SDR42E1: variants seen among roughly 807,000 people sequenced by gnomAD.
SDR42E1 encodes short-chain dehydrogenase/reductase family 42E member 1.
SDR42E1 carries 5 observed loss-of-function variants against 2.6 expected under a neutral mutation model. The observed-to-expected ratio is 1.94, with a 90% confidence interval of 1.01 to 4.08. The LOEUF is 4.08. Ranked by LOEUF, SDR42E1 falls within the 30% of genes most tolerant of loss-of-function variation. The pLI, the probability that SDR42E1 is intolerant of heterozygous loss-of-function variation, is 0.00. For synonymous variants in SDR42E1, 231 were observed against 188.3 expected (o/e 1.23, Z -1.86); for missense variants, 596 against 478.6 (o/e 1.25, Z -2.29).
In SDR42E1 at chr16:81,998,744, G is replaced by GC. The variant is rs1912617261; in HGVS notation, c.*366_*367insG. ...TTTCGCCATTCCCACATCAGTCAGA[G>GC]GTTTTAGGTAGATGCAGACTGCATA... On this transcript the variant is annotated 3_prime_UTR_variant, in exon 3 of 3. Coordinates refer to ENST00000328945, the MANE Select transcript of SDR42E1 (RefSeq NM_145168.3). 1 of 205,554 alleles carries GC rather than the reference G, an allele frequency of 4.9e-6. No individual in the cohort carries two copies. The highest frequency in any genetic ancestry group is 2.4e-5 in the African/African-American group (1 of 42,542). 12.7% of individuals were successfully genotyped at this position (205,554 alleles called of 1,614,324 possible).
rs1378843479 is a variant in SDR42E1 at position 81,989,193 on chromosome 16, C to G, written c.*9918G>C. On this transcript the variant is annotated 3_prime_UTR_variant, in exon 3 of 3. Transcript: ENST00000328945. ...GACATATGCTTATCATCTTTATATA[C>G]CCGGTGACCTCCTATGTCAGCAAAT... The G allele has an allele frequency of 1.3e-5, 2 of 152,072 alleles. No homozygotes were observed. The highest frequency in any genetic ancestry group is 2.9e-5 in the Non-Finnish European group (2 of 68,032). The allele number at this position is 152,072 out of a possible 1,614,324, so 9.4% of individuals were successfully genotyped here.
chr16:82,000,385 T>G, intron 2 of SDR42E1, 161 bp from the exon 3 acceptor site: 2 of 858,192 alleles, frequency 2.3e-6, no homozygotes, highest in Non-Finnish European at 3.8e-6. Flanking sequence ...CCTCGCTTCT[T>G]CAAATTTTCA....
chr16:82,008,192 C>A (rs1567567459), intron 1 of SDR42E1, among the ~76,000 whole-genome samples: 2 of 152,222 alleles, frequency 1.3e-5, no homozygotes, highest in African/African-American at 2.4e-5. Context: ...CCTCCCCAGC[C>A]ACGTGGAACT....
intron 1 of SDR42E1, among the ~76,000 whole-genome samples, chr16:82,002,785 G>C (rs1160205716): frequency 6.6e-6 from 1 of 152,174 alleles, no homozygotes; most frequent in African/African-American, 2.4e-5. Flanking sequence ...TCTAAAAGTG[G>C]AGCTGATAAT....
In SDR42E1 at chr16:81,997,177, G is replaced by A. The variant is rs1218559356; in HGVS notation, c.*1934C>T. ...ACCACTGCCAGCTTGAATGGAAAGGGATATAGTGCAAAATGTTAACACAGC... is the reference window on the plus strand; with the variant it reads ...ACCACTGCCAGCTTGAATGGAAAGGAATATAGTGCAAAATGTTAACACAGC... On this transcript the variant is annotated 3_prime_UTR_variant, in exon 3 of 3. Coordinates refer to ENST00000328945, the MANE Select transcript of SDR42E1 (RefSeq NM_145168.3). 1.3e-5 allele frequency: 2 copies of A among 152,164 alleles called. No individual in the cohort carries two copies. The highest frequency in any genetic ancestry group is 4.8e-5 in the African/African-American group (2 of 41,422). The allele number at this position is 152,164 out of a possible 1,614,324, so 9.4% of individuals were successfully genotyped here.
chr16:82,000,376 C>T (rs1482877703), intron 2 of SDR42E1, 152 bp from the exon 3 acceptor site: 2 of 928,598 alleles, frequency 2.2e-6, no homozygotes, highest in Non-Finnish European at 3.4e-6. Context: ...TGGTGCAAGC[C>T]TCGCTTCTTC....
In SDR42E1 at chr16:81,991,429, A is replaced by C. The variant is rs1912425795; in HGVS notation, c.*7682T>G. ...ATAAAACCACCTCCAACAAGGTAAGAGTTTGGGCCAGGCTCGGTGGCTCAT... is the reference window on the plus strand; with the variant it reads ...ATAAAACCACCTCCAACAAGGTAAGCGTTTGGGCCAGGCTCGGTGGCTCAT... On this transcript the variant is annotated 3_prime_UTR_variant, in exon 3 of 3. Coordinates refer to ENST00000328945, the MANE Select transcript of SDR42E1 (RefSeq NM_145168.3). 6.6e-6 allele frequency: 1 copy of C among 152,132 alleles called. No homozygotes were observed. The highest frequency in any genetic ancestry group is 1.9e-4 in the East Asian group (1 of 5,202). 9.4% of individuals were successfully genotyped at this position (152,132 alleles called of 1,614,324 possible).
intron 1 of SDR42E1, among the ~76,000 whole-genome samples, chr16:82,001,771 G>T (rs535572698): frequency 6.6e-6 from 1 of 151,702 alleles, no homozygotes. Context: ...GCGTGGTGGC[G>T]GGCACCTGTA....
chr16:82,010,738 T>C (rs143911810), intron 1 of SDR42E1, among the ~76,000 whole-genome samples: 7 of 152,272 alleles, frequency 4.6e-5, no homozygotes, highest in African/African-American at 1.7e-4. Flanking sequence ...CCCTAAAATG[T>C]AGAAAACGAA....
rs118066976 is a variant in SDR42E1, at chr16:82,001,456, T to G, written c.-26-572A>C. On this transcript the variant is annotated intron_variant, in intron 1 of 2. Coordinates refer to ENST00000328945, the MANE Select transcript of SDR42E1 (RefSeq NM_145168.3). ...CCCCACCGCAAATCTTGCAAGTACT[T>G]AAAGTACAAGTGCTCAGTGCCTTTG... 7.0e-3 allele frequency among the ~76,000 whole-genome samples: 1,065 copies of G among 152,214 alleles called. 20 individuals carry two copies. Among genetic ancestry groups the G allele is most frequent in the South Asian group, 0.067 (323 of 4,816 alleles).
Position 81,999,317 on chromosome 16 carries a change from T to C in SDR42E1, c.976A>G (p.Ser326Gly). 6.2e-7 allele frequency: 1 copy of C among 1,614,226 alleles called. No individual in the cohort carries two copies. Among genetic ancestry groups the C allele is most frequent in the Non-Finnish European group, 8.5e-7 (1 of 1,180,040 alleles). Residue 326 changes from serine to glycine, a missense_variant, in exon 3 of 3, where the codon AGC becomes GGC. By Grantham distance (56) the Ser-to-Gly change is moderately conservative (BLOSUM62 0). Coordinates refer to ENST00000328945, the MANE Select transcript of SDR42E1 (RefSeq NM_145168.3). ...VYKTGVTHYF[S>G]LEKAKKELGY... ...AGCTCTTTCTTGGCTTTCTCTAAGC[T>C]AAAATAATGTGTGACACCAGTTTTG...
chr16:82,001,918 A>AAAC (rs1315244951), intron 1 of SDR42E1, among the ~76,000 whole-genome samples: 2 of 150,562 alleles, frequency 1.3e-5, no homozygotes, highest in African/African-American at 4.9e-5. Flanking sequence ...AAAAAAAAAA[A>AAAC]ACCACAGGAA....
Position 81,998,122 on chromosome 16 carries a change from AT to A in SDR42E1, c.*988del, listed in dbSNP as rs1912592196. ...AGACAGTGCTGCCATTGTTCAATAC[AT>A]TCCTCATTGGAAGCTGTCTTCAGAG... On this transcript the variant is annotated 3_prime_UTR_variant, in exon 3 of 3. Transcript: ENST00000328945. 1 of 152,206 alleles carries A rather than the reference AT, an allele frequency of 6.6e-6. No individual in the cohort carries two copies. The highest frequency in any genetic ancestry group is 1.9e-4 in the East Asian group (1 of 5,196). 9.4% of individuals were successfully genotyped at this position (152,206 alleles called of 1,614,324 possible).
chr16:82,010,841 T>C lies in SDR42E1; in HGVS notation c.-27+546A>G, dbSNP rs540572943. Among the ~76,000 whole-genome samples, 66 of 152,338 alleles carry C rather than the reference T, an allele frequency of 4.3e-4. No homozygotes were observed. The Middle Eastern group carries it at 0.017, about 39-fold the overall frequency. ...TTCAACCTTGGCAAAATAAACTTTC[T>C]AAATGAACTGAGACCCGTCTCAGAT... On this transcript the variant is annotated intron_variant, in intron 1 of 2. Coordinates refer to ENST00000328945, the MANE Select transcript of SDR42E1 (RefSeq NM_145168.3).
At chr16:82,008,636 C>T (rs555065008) in intron 1 of SDR42E1, among the ~76,000 whole-genome samples, 17 of 152,142 alleles carry the variant, frequency 1.1e-4, no homozygotes, top group Non-Finnish European at 1.9e-4. Flanking sequence ...TTTAGGGTAT[C>T]TGGGGTAAGA....
rs1912578427 is a variant in SDR42E1, at chr16:81,997,759, C to G, written c.*1352G>C. On this transcript the variant is annotated 3_prime_UTR_variant, in exon 3 of 3. Transcript: ENST00000328945. ...TACAAAGGGCAAATGCAGTCAGTCC[C>G]AGCTCCCAAGTGAGGAAGCTAAGTT... 1 of 152,176 alleles carries G rather than the reference C, an allele frequency of 6.6e-6. No individual in the cohort carries two copies. 9.4% of individuals were successfully genotyped at this position (152,176 alleles called of 1,614,324 possible).
chr16:82,005,310 A>T (rs1481088363), intron 1 of SDR42E1, among the ~76,000 whole-genome samples: 4 of 152,176 alleles, frequency 2.6e-5, no homozygotes, highest in African/African-American at 7.2e-5. Flanking sequence ...TGAGGCAAAA[A>T]CTTGTATAAC....
At position 82,010,407 on chromosome 16, in the gene SDR42E1, A is replaced by C. The variant is rs148367952; in HGVS notation, c.-27+980T>G. ...AATGCCGCACAATAAGGCTGGGACA[A>C]TACAGATTCGCTTAGGTCATTATCT... On this transcript the variant is annotated intron_variant, in intron 1 of 2. Transcript: ENST00000328945. 4.2e-3 allele frequency among the ~76,000 whole-genome samples: 644 copies of C among 152,286 alleles called. 6 individuals are homozygous for C. The highest frequency in any genetic ancestry group is 0.015 in the African/African-American group (610 of 41,546).
Position 81,994,720 on chromosome 16 carries a change from C to A in SDR42E1, c.*4391G>T, listed in dbSNP as rs181443364. 1.1e-4 allele frequency: 16 copies of A among 152,288 alleles called. No individual in the cohort carries two copies. In the East Asian group the frequency reaches 2.7e-3, roughly 26 times the overall value. 9.4% of individuals were successfully genotyped at this position (152,288 alleles called of 1,614,324 possible). On this transcript the variant is annotated 3_prime_UTR_variant, in exon 3 of 3. Coordinates refer to ENST00000328945, the MANE Select transcript of SDR42E1 (RefSeq NM_145168.3). Reference sequence around the variant, plus strand: ...ATAATGATGTCTAATTGGGTCAGAGCTGGGGCGTGGCATTCTGCAGGCAAC... The same window carrying A: ...ATAATGATGTCTAATTGGGTCAGAGATGGGGCGTGGCATTCTGCAGGCAAC...
Sources: allele counts gnomAD v4.1 joint callset (sites outside exome capture counted in the v4.1 genomes callset), GRCh38; gene constraint gnomAD v4.1.1; transcripts MANE v1.5; gene names NCBI Gene and HGNC (gene_info 2026-07-23, HGNC 2026-07-21).